Variants in RIMS2 observed in about 807,000 individuals in gnomAD.
The protein encoded by RIMS2 is regulating synaptic membrane exocytosis 2, also known as regulating synaptic membrane exocytosis protein 2.
In RIMS2, 59 loss-of-function variants were observed where a neutral mutation model predicts 174.4. The observed-to-expected ratio is 0.34, with a 90% CI of 0.27 to 0.42. The LOEUF is 0.42. Ranked by LOEUF, RIMS2 falls within the 10% of genes least tolerant of loss-of-function variation. RIMS2 has a pLI of 1.00. For synonymous variants in RIMS2, 606 were observed against 572.5 expected (o/e 1.06, Z -0.84); for missense variants, 1,620 against 1,666.3 (o/e 0.97, Z 0.48).
chr8:103,833,901 T>C (rs2154480857), intron 3 of RIMS2, among the ~76,000 whole-genome samples: 1 of 152,342 alleles, frequency 6.6e-6, no homozygotes, highest in African/African-American at 2.4e-5. Flanking sequence ...TTTCCTGATA[T>C]ATCAGGTAAG....
intron 19 of RIMS2, among the ~76,000 whole-genome samples, chr8:104,119,559 C>G (rs1379050265): frequency 1.3e-5 from 2 of 152,102 alleles, no homozygotes; most frequent in Non-Finnish European, 2.9e-5. Context: ...GTAAGATTTT[C>G]TGAATGTTAA....
At chr8:103,835,538 T>C (rs952512990) in intron 3 of RIMS2, among the ~76,000 whole-genome samples, 8 of 152,248 alleles carry the variant, frequency 5.3e-5, no homozygotes, top group Admixed American at 5.2e-4. Flanking sequence ...CTTTTTGTTA[T>C]TGAGGGCCTC....
At position 103,950,445 on chromosome 8, in the gene RIMS2, C is replaced by T. The variant is rs143855710; in HGVS notation, c.2701+7519C>T. ...CATAAAAGGGATAATATATCATGACCAAATGTTTTTTATACCACGGATGCA... is the reference window on the plus strand; with the variant it reads ...CATAAAAGGGATAATATATCATGACTAAATGTTTTTTATACCACGGATGCA... On this transcript the variant is annotated intron_variant, in intron 14 of 23. Transcript: ENST00000504942. Among the ~76,000 whole-genome samples, 461 of 151,846 alleles carry T rather than the reference C, an allele frequency of 3.0e-3. 2 individuals carry two copies. Among genetic ancestry groups the T allele is most frequent in the African/African-American group, 0.01 (429 of 41,386 alleles).
At chr8:103,717,175 C>G (rs1341967698) in intron 2 of RIMS2, among the ~76,000 whole-genome samples, 1 of 122,592 alleles carries the variant, frequency 8.2e-6, no homozygotes, top group Non-Finnish European at 1.7e-5. Context: ...CCAGTTGGAG[C>G]CTTTTTCTTC....
chr8:103,692,948 C>T (rs2097050193), intron 1 of RIMS2, among the ~76,000 whole-genome samples: 2 of 152,184 alleles, frequency 1.3e-5, no homozygotes, highest in African/African-American at 4.8e-5. Flanking sequence ...TCAGGAATTG[C>T]CCAGGAATTG....
chr8:103,530,023 T>C (rs913013908), intron 1 of RIMS2, among the ~76,000 whole-genome samples: 2 of 152,100 alleles, frequency 1.3e-5, no homozygotes, highest in Non-Finnish European at 2.9e-5. Flanking sequence ...TGAGGAAAGA[T>C]GAAAAGGATA....
At chr8:103,558,058 TTTTTA>T (rs1417579951) in intron 1 of RIMS2, among the ~76,000 whole-genome samples, 1 of 152,114 alleles carries the variant, frequency 6.6e-6, no homozygotes, top group Non-Finnish European at 1.5e-5. Flanking sequence ...GTACCTTTAT[TTTTTA>T]TTTTATTTTT....
At chr8:103,612,408 G>T (rs771885683) in intron 1 of RIMS2, among the ~76,000 whole-genome samples, 1 of 152,128 alleles carries the variant, frequency 6.6e-6, no homozygotes, top group African/African-American at 2.4e-5. Context: ...CACAGTCTGG[G>T]CTTGTTTCTA....
At chr8:103,732,870 G>T (rs2097624352) in intron 2 of RIMS2, among the ~76,000 whole-genome samples, 1 of 152,106 alleles carries the variant, frequency 6.6e-6, no homozygotes, top group African/African-American at 2.4e-5. Flanking sequence ...GGAGGTCCAG[G>T]GTCAAGGAGT....
At chr8:103,814,347 A>G (rs1020411507) in intron 3 of RIMS2, among the ~76,000 whole-genome samples, 4 of 149,644 alleles carry the variant, frequency 2.7e-5, no homozygotes, top group Non-Finnish European at 5.9e-5. Context: ...CTGTTTGAAA[A>G]CCTCCATGAC....
chr8:103,861,894 G>A (rs1440952007), intron 3 of RIMS2, among the ~76,000 whole-genome samples: 1 of 151,818 alleles, frequency 6.6e-6, no homozygotes, highest in Non-Finnish European at 1.5e-5. Context: ...CTTTGTCAGA[G>A]GCATAATTTA....
At chr8:103,642,870 T>C (rs887664609) in intron 1 of RIMS2, among the ~76,000 whole-genome samples, 3 of 152,098 alleles carry the variant, frequency 2.0e-5, no homozygotes, top group African/African-American at 7.2e-5. Flanking sequence ...GCAGTTTGAA[T>C]AGTATATTCT....
intron 12 of RIMS2, among the ~76,000 whole-genome samples, chr8:103,935,987 G>A (rs2154535174): frequency 6.6e-6 from 1 of 152,182 alleles, no homozygotes; most frequent in African/African-American, 2.4e-5. Flanking sequence ...AGCTCACATA[G>A]AAATAAATGT....
In RIMS2 at chr8:103,583,871, G is replaced by A. The variant is rs548965032; in HGVS notation, c.176+82809G>A. Reference sequence around the variant, plus strand: ...GAAAGTTAATTCAAAGGGTAACAAAGTCAACATATATCACGTGAGTGGGGG... The same window carrying A: ...GAAAGTTAATTCAAAGGGTAACAAAATCAACATATATCACGTGAGTGGGGG... On this transcript the variant is annotated intron_variant, in intron 1 of 23. Transcript: ENST00000504942. Among the ~76,000 whole-genome samples the A allele has an allele frequency of 3.9e-5, 6 of 152,220 alleles. No homozygotes were observed. In the South Asian group the frequency reaches 8.3e-4, roughly 21 times the overall value.
intron 2 of RIMS2, 39 bp from the exon 5 acceptor site, chr8:103,716,261 TTGTCTTTTC>T (rs893208771): frequency 1.3e-5 from 2 of 152,074 alleles, no homozygotes; most frequent in South Asian, 2.1e-4. Context: ...CTTTTTTGTT[TTGTCTTTTC>T]TGTCTTTTCT....
intron 3 of RIMS2, among the ~76,000 whole-genome samples, chr8:103,821,944 T>C (rs2098754788): frequency 6.6e-6 from 1 of 151,632 alleles, no homozygotes; most frequent in Non-Finnish European, 1.5e-5. Context: ...TTCTTAAGCA[T>C]CAATTATATA....
intron 19 of RIMS2, among the ~76,000 whole-genome samples, chr8:104,054,838 G>A (rs910100403): frequency 6.6e-6 from 1 of 152,058 alleles, no homozygotes; most frequent in African/African-American, 2.4e-5. Flanking sequence ...TATCTGACAT[G>A]TGTGTTGTTT....
At chr8:103,812,528 C>G (rs185947647) in intron 3 of RIMS2, among the ~76,000 whole-genome samples, 1 of 151,884 alleles carries the variant, frequency 6.6e-6, no homozygotes, top group Non-Finnish European at 1.5e-5. Flanking sequence ...ATTACAGGCG[C>G]GTACCACTAC....
intron 19 of RIMS2, among the ~76,000 whole-genome samples, chr8:104,108,769 C>T (rs900139067): frequency 1.7e-4 from 26 of 152,170 alleles, no homozygotes; most frequent in African/African-American, 6.3e-4. Context: ...TGTCTGAAGA[C>T]CACTATGTAT....
Sources: gnomAD v4.1 joint callset for allele counts (sites outside exome capture counted in the v4.1 genomes callset) on GRCh38, gnomAD v4.1.1 for gene constraint, MANE v1.5 for transcripts, NCBI Gene and HGNC (gene_info 2026-07-23, HGNC 2026-07-21) for gene names.